Variants in UBTD1 observed in about 807,000 individuals in gnomAD.
The protein encoded by UBTD1 is ubiquitin domain containing 1.
A neutral mutation model predicts 21.7 loss-of-function variants in UBTD1; 19 were observed. That is an observed-to-expected ratio of 0.87 (90% confidence interval 0.61 to 1.28). The LOEUF (loss-of-function observed/expected upper bound fraction) is 1.28. Among genes scored for constraint, UBTD1 ranks in the 50% most tolerant of loss-of-function variants. The pLI is 0.00. For synonymous variants in UBTD1, 116 were observed against 135.1 expected (o/e 0.86, Z 0.98); for missense variants, 282 against 315.1 (o/e 0.89, Z 0.80).
At chr10:97,537,820 C>CT (rs57859135) in intron 1 of UBTD1, among the ~76,000 whole-genome samples, 1,729 of 119,398 alleles carry the variant, frequency 0.014, 17 homozygotes, top group East Asian at 0.024. Context: ...CAGGCTTTCT[C>CT]TTTTTTTTTT....
chr10:97,570,750 A>G lies in UBTD1; in HGVS notation c.*227A>G. The G allele has an allele frequency of 1.8e-6, 1 of 553,764 alleles. No individual in the cohort carries two copies. Among genetic ancestry groups the G allele is most frequent in the Non-Finnish European group, 3.1e-6 (1 of 318,436 alleles). The allele number at this position is 553,764 out of a possible 1,614,324, so 34.3% of individuals were successfully genotyped here. A position where few individuals can be genotyped will look rare whatever the true frequency, so the allele number is the denominator to read the frequency against. ...TGCAACCTTGTCAGAGAAAAGGCGA[A>G]CAGGGCCCTCACCCTGCCTGTCTCC... On this transcript the variant is annotated 3_prime_UTR_variant, in exon 3 of 3. Transcript: ENST00000370664. This position sits in a 1 kb window ranked among gnomAD's most constrained non-coding sequence, Gnocchi z 6.6.
chr10:97,537,596 GAGAGGGTGAGTGAGGTA>G (rs1325198075), intron 1 of UBTD1, among the ~76,000 whole-genome samples: 1 of 152,178 alleles, frequency 6.6e-6, no homozygotes, highest in Non-Finnish European at 1.5e-5. Context: ...ACTGTATGTG[GAGAGGGTGAGTGAGGTA>G]AGAGGTCTGA....
At chr10:97,562,651 G>A (rs567662053) in intron 1 of UBTD1, among the ~76,000 whole-genome samples, 1 of 151,926 alleles carries the variant, frequency 6.6e-6, no homozygotes, top group South Asian at 2.1e-4. Context: ...TTGCAAGGGC[G>A]GGGAGGCTGT....
intron 1 of UBTD1, among the ~76,000 whole-genome samples, chr10:97,542,606 G>A (rs1011247407): frequency 1.3e-5 from 2 of 152,224 alleles, no homozygotes; most frequent in Admixed American, 6.5e-5. Flanking sequence ...GTCAGGAGGC[G>A]GAGGGTGAAG....
intron 1 of UBTD1, 81 bp from the exon 2 acceptor site, chr10:97,567,833 G>A: frequency 7.4e-7 from 1 of 1,347,730 alleles, no homozygotes; most frequent in South Asian, 1.3e-5. Context: ...GGTCTGGCCT[G>A]GGGAGGGGAG....
At chr10:97,517,300 C>A (rs540329386) in intron 1 of UBTD1, among the ~76,000 whole-genome samples, 1 of 151,658 alleles carries the variant, frequency 6.6e-6, no homozygotes, top group Non-Finnish European at 1.5e-5. Flanking sequence ...AGGAGTGGAG[C>A]GCCACTGGAG....
intron 1 of UBTD1, among the ~76,000 whole-genome samples, chr10:97,531,854 G>A (rs556998504): frequency 6.6e-6 from 1 of 152,314 alleles, no homozygotes; most frequent in African/African-American, 2.4e-5. Flanking sequence ...TGAGGAATGT[G>A]ACAGGCCATG....
chr10:97,537,848 C>T (rs999503244), intron 1 of UBTD1, among the ~76,000 whole-genome samples: 4 of 125,714 alleles, frequency 3.2e-5, no homozygotes, highest in Non-Finnish European at 4.8e-5. Context: ...TTTTTTGAGA[C>T]AGGGTCTCTC....
chr10:97,546,900 A>T (rs898834532), intron 1 of UBTD1, among the ~76,000 whole-genome samples: 10 of 147,060 alleles, frequency 6.8e-5, no homozygotes, highest in South Asian at 6.5e-4. Context: ...TCACACACAC[A>T]CTCTCTCTCT....
intron 1 of UBTD1, among the ~76,000 whole-genome samples, chr10:97,530,519 A>C (rs1298895858): frequency 6.6e-6 from 1 of 152,246 alleles, no homozygotes; most frequent in Non-Finnish European, 1.5e-5. Flanking sequence ...TTCTGTGTGA[A>C]GTAAAAACAG....
intron 1 of UBTD1, among the ~76,000 whole-genome samples, chr10:97,554,717 A>AT (rs953380299): frequency 6.6e-6 from 1 of 151,670 alleles, no homozygotes; most frequent in African/African-American, 2.4e-5. Context: ...CACCTGGCTA[A>AT]TTTTTTTTAT....
At chr10:97,512,244 A>G (rs1343764003) in intron 1 of UBTD1, among the ~76,000 whole-genome samples, 1 of 152,172 alleles carries the variant, frequency 6.6e-6, no homozygotes, top group Non-Finnish European at 1.5e-5. Context: ...AGAGACACAC[A>G]GAGAGCCAAG....
At chr10:97,552,126 C>G (rs1434742223) in intron 1 of UBTD1, among the ~76,000 whole-genome samples, 1 of 151,378 alleles carries the variant, frequency 6.6e-6, no homozygotes, top group Non-Finnish European at 1.5e-5. Flanking sequence ...CTTTGGGAGG[C>G]AGAAGAAGGA....
chr10:97,500,127 T>G (rs2135647594), intron 1 of UBTD1, among the ~76,000 whole-genome samples: 1 of 152,348 alleles, frequency 6.6e-6, no homozygotes, highest in South Asian at 2.1e-4. Flanking sequence ...TCTCCTACTC[T>G]GTGTCAAAGC....
At chr10:97,541,197 C>G (rs1043361568) in intron 1 of UBTD1, among the ~76,000 whole-genome samples, 10 of 152,124 alleles carry the variant, frequency 6.6e-5, no homozygotes, top group African/African-American at 2.2e-4. Flanking sequence ...AAATATCTTA[C>G]CAGGCACGGT....
Position 97,539,254 on chromosome 10 carries a change from T to C in UBTD1, c.71-28660T>C, listed in dbSNP as rs532338604. 4.6e-5 allele frequency among the ~76,000 whole-genome samples: 7 copies of C among 152,316 alleles called. No individual in the cohort carries two copies. The East Asian group carries it at 1.3e-3, about 29-fold the overall frequency. On this transcript the variant is annotated intron_variant, in intron 1 of 2. Transcript: ENST00000370664. Reference sequence around the variant, plus strand: ...ACCCCAACCCTGAACAGCTCCACTTTACCGGCCTCAGATAGGCTTCTTTCA... The same window carrying C: ...ACCCCAACCCTGAACAGCTCCACTTCACCGGCCTCAGATAGGCTTCTTTCA...
At chr10:97,533,511 C>T (rs1381441982) in intron 1 of UBTD1, among the ~76,000 whole-genome samples, 1 of 152,184 alleles carries the variant, frequency 6.6e-6, no homozygotes, top group African/African-American at 2.4e-5. Context: ...CTTGCCTGGC[C>T]TTGGGCTGGT....
At chr10:97,566,129 A>G (rs2040715857) in intron 1 of UBTD1, among the ~76,000 whole-genome samples, 1 of 152,160 alleles carries the variant, frequency 6.6e-6, no homozygotes, top group South Asian at 2.1e-4. Context: ...CATTCTTTAT[A>G]ATCTCTTATT....
At chr10:97,550,637 A>G (rs1024417855) in intron 1 of UBTD1, among the ~76,000 whole-genome samples, 1 of 152,070 alleles carries the variant, frequency 6.6e-6, no homozygotes, top group Non-Finnish European at 1.5e-5. Context: ...AGTGGGATCT[A>G]TTCAGCTAGG....
Sources: gnomAD v4.1 joint callset for allele counts (sites outside exome capture counted in the v4.1 genomes callset) on GRCh38, gnomAD v4.1.1 for gene constraint, Gnocchi (gnomAD v3.1) non-coding constraint, MANE v1.5 for transcripts, NCBI Gene and HGNC (gene_info 2026-07-23, HGNC 2026-07-21) for gene names.